Variants in SIK3 observed in about 807,000 individuals in gnomAD.
The protein encoded by SIK3 is SIK family kinase 3, also known as serine/threonine-protein kinase SIK3.
A neutral mutation model predicts 144.2 loss-of-function variants in SIK3; 28 were observed. The observed-to-expected ratio is 0.19, with a 90% CI of 0.14 to 0.27. The LOEUF is 0.27. Ranked by LOEUF, SIK3 falls within the 10% of genes least tolerant of loss-of-function variation. The pLI, the probability that SIK3 is intolerant of heterozygous loss-of-function variation, is 1.00. For missense variants in SIK3, 1,319 were observed against 1,776.0 expected, an observed-to-expected ratio of 0.74 and a Z score of 4.62; for synonymous variants, 686 against 676.3, an observed-to-expected ratio of 1.01 and a Z score of -0.22.
chr11:116,991,477 G>C (rs1158713976), intron 1 of SIK3, among the ~76,000 whole-genome samples: 2 of 152,082 alleles, frequency 1.3e-5, no homozygotes, highest in African/African-American at 4.8e-5. Context: ...CCTCATTAGA[G>C]AATGCTTTCT....
At position 117,056,883 on chromosome 11, in the gene SIK3, C is replaced by T. The variant is rs542635254; in HGVS notation, c.273+41260G>A. On this transcript the variant is annotated intron_variant, in intron 1 of 24. Transcript: ENST00000445177. Reference sequence around the variant, plus strand: ...CTTAAAAGTCCATCAATAGGGGAAACGTGAAATAAAGTAATACACATCTAT... The same window carrying T: ...CTTAAAAGTCCATCAATAGGGGAAATGTGAAATAAAGTAATACACATCTAT... Among the ~76,000 whole-genome samples, 6 of 152,144 alleles carry T rather than the reference C, an allele frequency of 3.9e-5. No homozygotes were observed. In the South Asian group the frequency reaches 8.3e-4, roughly 21 times the overall value.
intron 13 of SIK3, among the ~76,000 whole-genome samples, chr11:116,871,211 C>T (rs1943953686): frequency 6.6e-6 from 1 of 152,220 alleles, no homozygotes; most frequent in African/African-American, 2.4e-5. Context: ...GTGCCCACAT[C>T]ATCACCATGC....
intron 7 of SIK3, 151 bp from the exon 8 acceptor site, chr11:116,876,514 A>G (rs1451407396): frequency 1.0e-5 from 7 of 681,506 alleles, no homozygotes; most frequent in South Asian, 1.6e-5. Flanking sequence ...CTGAGTGATC[A>G]GCTGTAAACA....
At chr11:117,086,557 G>A (rs1274360828) in intron 1 of SIK3, among the ~76,000 whole-genome samples, 1 of 151,966 alleles carries the variant, frequency 6.6e-6, no homozygotes, top group Non-Finnish European at 1.5e-5. Context: ...CGGGTGTGGT[G>A]GTGGGCGCCC....
chr11:116,985,732 G>A (rs975076260), intron 1 of SIK3, among the ~76,000 whole-genome samples: 2 of 152,050 alleles, frequency 1.3e-5, no homozygotes, highest in East Asian at 1.9e-4. Context: ...TAATGAACAC[G>A]AATCAAGAGA....
intron 1 of SIK3, among the ~76,000 whole-genome samples, chr11:117,022,170 A>AT (rs1301037057): frequency 6.6e-6 from 1 of 152,100 alleles, no homozygotes; most frequent in Non-Finnish European, 1.5e-5. Context: ...AAATCTTTTT[A>AT]TTATACAAGT....
intron 1 of SIK3, among the ~76,000 whole-genome samples, chr11:116,977,002 T>C (rs12419682): frequency 6.8e-4 from 103 of 152,256 alleles, no homozygotes; most frequent in Admixed American, 4.4e-3. Flanking sequence ...TATTTCTTTT[T>C]AAAAAGGGCT....
At chr11:116,960,444 T>A (rs1391262469) in intron 1 of SIK3, among the ~76,000 whole-genome samples, 1 of 152,188 alleles carries the variant, frequency 6.6e-6, no homozygotes, top group East Asian at 1.9e-4. Context: ...AAGGATTGCA[T>A]GAGCCTAGCA....
At chr11:116,921,504 C>T (rs1232728281) in intron 4 of SIK3, among the ~76,000 whole-genome samples, 1 of 152,114 alleles carries the variant, frequency 6.6e-6, no homozygotes, top group African/African-American at 2.4e-5. Context: ...GACTTGGTAA[C>T]TGCCTTTAGA....
At chr11:117,017,917 T>C in intron 1 of SIK3, among the ~76,000 whole-genome samples, 1 of 152,314 alleles carries the variant, frequency 6.6e-6, no homozygotes, top group South Asian at 2.1e-4. Context: ...TACTATTACA[T>C]GACATGATTT....
intron 1 of SIK3, among the ~76,000 whole-genome samples, chr11:117,032,792 T>G (rs1303318257): frequency 6.6e-6 from 1 of 152,142 alleles, no homozygotes; most frequent in African/African-American, 2.4e-5. Flanking sequence ...CCACCATTTA[T>G]TTATCTGTTG....
intron 6 of SIK3, among the ~76,000 whole-genome samples, chr11:116,892,922 C>A (rs1446285438): frequency 6.6e-6 from 1 of 152,110 alleles, no homozygotes; most frequent in African/African-American, 2.4e-5. Context: ...CATGGAGGAA[C>A]CTTATTGCAT....
At chr11:117,045,514 A>T (rs986796954) in intron 1 of SIK3, among the ~76,000 whole-genome samples, 2 of 152,178 alleles carry the variant, frequency 1.3e-5, no homozygotes, top group Non-Finnish European at 2.9e-5. Flanking sequence ...TGTAATCCAT[A>T]AGCCATTTTA....
intron 21 of SIK3, 25 bp downstream of exon 21, chr11:116,857,785 A>T (rs1262246519): frequency 1.9e-6 from 3 of 1,611,920 alleles, no homozygotes; most frequent in Non-Finnish European, 2.5e-6. Context: ...CTGGCCCAGG[A>T]CTTCCACTGT....
chr11:116,952,179 A>C (rs1332015821), intron 3 of SIK3, among the ~76,000 whole-genome samples: 1 of 152,126 alleles, frequency 6.6e-6, no homozygotes, highest in Admixed American at 6.5e-5. Context: ...TTTTTATAGA[A>C]TAAAACTTGT....
At chr11:116,897,781 G>C (rs929691629) in intron 4 of SIK3, among the ~76,000 whole-genome samples, 1 of 152,114 alleles carries the variant, frequency 6.6e-6, no homozygotes, top group Non-Finnish European at 1.5e-5. Context: ...TACTCGGGAG[G>C]CTGAGGCAGG....
chr11:116,917,182 G>C (rs1313289224), intron 4 of SIK3, among the ~76,000 whole-genome samples: 14 of 151,950 alleles, frequency 9.2e-5, no homozygotes, highest in Admixed American at 9.2e-4. Context: ...GAGCACTCTG[G>C]GTGATTCGTT....
intron 1 of SIK3, among the ~76,000 whole-genome samples, chr11:116,965,775 ATATATAT>A (rs1949518314): frequency 7.7e-5 from 4 of 52,170 alleles, no homozygotes; most frequent in South Asian, 5.1e-4. Flanking sequence ...ATATATATAT[ATATATAT>A]AAATTAGCCA....
chr11:116,951,261 CT>C (rs1392280138), intron 3 of SIK3, among the ~76,000 whole-genome samples: 1 of 152,092 alleles, frequency 6.6e-6, no homozygotes, highest in Non-Finnish European at 1.5e-5. Flanking sequence ...CCCCTTTCAT[CT>C]TTTTTACACA....
Sources: allele counts gnomAD v4.1 joint callset (sites outside exome capture counted in the v4.1 genomes callset), GRCh38; gene constraint gnomAD v4.1.1; transcripts MANE v1.5; gene names NCBI Gene and HGNC (gene_info 2026-07-23, HGNC 2026-07-21).